ARFGEF3: variants seen among roughly 807,000 people sequenced by gnomAD.
ARFGEF3 encodes the protein ARFGEF family member 3.
In ARFGEF3, 96 loss-of-function variants were observed where a neutral mutation model predicts 221.7. The observed-to-expected ratio is 0.43, with a 90% CI of 0.37 to 0.51. The LOEUF is 0.51. ARFGEF3 is among the 20% of genes least tolerant of loss of function. The pLI is 0.00. For synonymous variants in ARFGEF3, 1,145 were observed against 1,126.8 expected (o/e 1.02, Z -0.32); for missense variants, 2,410 against 2,789.9 (o/e 0.86, Z 3.07).
chr6:138,284,201 AG>A (rs1779245219), intron 14 of ARFGEF3, among the ~76,000 whole-genome samples: 1 of 152,176 alleles, frequency 6.6e-6, no homozygotes, highest in Non-Finnish European at 1.5e-5. Flanking sequence ...GCTATCCAGG[AG>A]GCTGAGGTAT....
rs12203808 is a variant in ARFGEF3 at position 138,238,441 on chromosome 6, T to A, written c.421-68T>A. On this transcript the variant is annotated intron_variant, in intron 5 of 33. Coordinates refer to ENST00000251691, the MANE Select transcript of ARFGEF3 (RefSeq NM_020340.5). ...GGGATTTGATATCCTCTCTGGTCAA[T>A]CCCAAAGAATGTTGGTAATAAGCTG... 2.5e-3 allele frequency: 3,882 copies of A among 1,539,290 alleles called. 50 individuals carry two copies. In the East Asian group the frequency reaches 0.034, roughly 14 times the overall value.
chr6:138,316,218 T>C lies in ARFGEF3; in HGVS notation c.4346-1033T>C, dbSNP rs141600013. Among the ~76,000 whole-genome samples, 158 of 152,260 alleles carry C rather than the reference T, an allele frequency of 1.0e-3. 1 individual carries two copies. The highest frequency in any genetic ancestry group is 3.7e-3 in the African/African-American group (152 of 41,558). On this transcript the variant is annotated intron_variant, in intron 26 of 33. Coordinates refer to ENST00000251691, the MANE Select transcript of ARFGEF3 (RefSeq NM_020340.5). Reference sequence around the variant, plus strand: ...CTATCTAAGTTTTCTACATAATCAATGTAACTAGGACTTTAAAGTTATCAT... The same window carrying C: ...CTATCTAAGTTTTCTACATAATCAACGTAACTAGGACTTTAAAGTTATCAT...
intron 7 of ARFGEF3, 75 bp downstream of exon 7, chr6:138,243,069 G>A (rs1446909854): frequency 6.7e-6 from 8 of 1,185,902 alleles, no homozygotes; most frequent in Non-Finnish European, 9.9e-6. Context: ...TGGAGTGAGG[G>A]GTACAAAGAT....
At chr6:138,281,289 G>T (rs1268608595) in intron 14 of ARFGEF3, among the ~76,000 whole-genome samples, 1 of 152,176 alleles carries the variant, frequency 6.6e-6, no homozygotes, top group East Asian at 1.9e-4. Context: ...CTTTTGCAGA[G>T]TCTCATGTGA....
rs34628698 is a variant in ARFGEF3 at position 138,262,731 on chromosome 6, C to G, written c.1248C>G (p.Ile416Met). 1.2e-6 allele frequency: 2 copies of G among 1,609,068 alleles called. No individual in the cohort carries two copies. The highest frequency in any genetic ancestry group is 8.5e-7 in the Non-Finnish European group (1 of 1,175,856). Residue 416 changes from isoleucine (I) to methionine (M), a missense_variant, in exon 12 of 34, where the codon ATC becomes ATG. Around this residue, in one of 5 missense-constraint regions of ARFGEF3, gnomAD observed 570 missense variants for 586.9 expected, o/e 0.97. Transcript: ENST00000251691. ...LIMDGMTEACIKGGIEACYAA... is the reference protein window; with the variant it reads ...LIMDGMTEACMKGGIEACYAA... Reference sequence around the variant, plus strand: ...TGGATGGCATGACCGAAGCATGCATCAAGGGTGGCATCGAAGCTTGCTATG... The same window carrying G: ...TGGATGGCATGACCGAAGCATGCATGAAGGGTGGCATCGAAGCTTGCTATG...
At position 138,337,505 on chromosome 6, in the gene ARFGEF3, TG is replaced by T. The variant is rs1780350480; in HGVS notation, c.*1023del. 6.6e-6 allele frequency: 1 copy of T among 152,526 alleles called. No homozygotes were observed. Among genetic ancestry groups the T allele is most frequent in the African/African-American group, 2.4e-5 (1 of 41,420 alleles). 9.4% of individuals were successfully genotyped at this position (152,526 alleles called of 1,614,324 possible). A position where few individuals can be genotyped will look rare whatever the true frequency, so the allele number is the denominator to read the frequency against. On this transcript the variant is annotated 3_prime_UTR_variant, in exon 34 of 34. Coordinates refer to ENST00000251691, the MANE Select transcript of ARFGEF3 (RefSeq NM_020340.5). ...AGGGAAGGGAGCAGGGAGTGTGGGGTGGGGATGGATTATGATGAAATCATTT... is the reference window on the plus strand; with the variant it reads ...AGGGAAGGGAGCAGGGAGTGTGGGGTGGGATGGATTATGATGAAATCATTT...
intron 4 of ARFGEF3, among the ~76,000 whole-genome samples, chr6:138,213,305 A>AT (rs1279421901): frequency 1.3e-5 from 2 of 151,246 alleles, no homozygotes; most frequent in Non-Finnish European, 2.9e-5. Flanking sequence ...AAAAAAAAAA[A>AT]ATTTAGCAGG....
chr6:138,250,119 T>G (rs1471912771), intron 8 of ARFGEF3, among the ~76,000 whole-genome samples: 3 of 152,210 alleles, frequency 2.0e-5, no homozygotes, highest in African/African-American at 7.2e-5. Flanking sequence ...CCAGAATCAG[T>G]ATTTACTAAC....
rs771284534 is a variant in ARFGEF3 at position 138,162,062 on chromosome 6, G to T, written c.-25G>T. On this transcript the variant is annotated 5_prime_UTR_variant, in exon 1 of 34. Coordinates refer to ENST00000251691, the MANE Select transcript of ARFGEF3 (RefSeq NM_020340.5). The surrounding 1 kb of genome is among the most constrained non-coding windows in gnomAD (Gnocchi z 4.7). ...GCCCGCGCTTCTCTCCCTGTGGGCGGCGGCCCGGCGCCTGGAAGGTCAAGA... is the reference window on the plus strand; with the variant it reads ...GCCCGCGCTTCTCTCCCTGTGGGCGTCGGCCCGGCGCCTGGAAGGTCAAGA... The T allele has an allele frequency of 6.4e-6, 10 of 1,554,140 alleles. No homozygotes were observed. The highest frequency in any genetic ancestry group is 8.7e-6 in the Non-Finnish European group (10 of 1,147,626).
At chr6:138,209,857 TA>T (rs1777689846) in intron 3 of ARFGEF3, 52 bp from the exon 4 acceptor site, 2 of 1,595,426 alleles carry the variant, frequency 1.3e-6, no homozygotes, top group Non-Finnish European at 1.7e-6. Flanking sequence ...TACAACCAAA[TA>T]AGGCAGCAGG....
chr6:138,314,994 C>T (rs1278494844), intron 26 of ARFGEF3, among the ~76,000 whole-genome samples: 1 of 152,204 alleles, frequency 6.6e-6, no homozygotes, highest in Non-Finnish European at 1.5e-5. Flanking sequence ...TGCAAATTTG[C>T]AGATTCCACT....
intron 17 of ARFGEF3, among the ~76,000 whole-genome samples, chr6:138,287,590 T>C (rs970691883): frequency 1.3e-5 from 2 of 152,194 alleles, no homozygotes; most frequent in African/African-American, 2.4e-5. Context: ...AGAAAATTCA[T>C]GAGGGGAGGC....
At chr6:138,323,567 T>C in intron 29 of ARFGEF3, 104 bp from the exon 30 acceptor site, 2 of 967,410 alleles carry the variant, frequency 2.1e-6, no homozygotes, top group South Asian at 3.0e-5. Context: ...GCCAAGATCA[T>C]GCCAGTGCAC....
chr6:138,287,208 C>T (rs1331495439), intron 17 of ARFGEF3, 24 bp downstream of exon 17: 2 of 1,532,648 alleles, frequency 1.3e-6, no homozygotes, highest in East Asian at 2.4e-5. Flanking sequence ...GGCCAGAACC[C>T]ACCTGGTGCC....
At chr6:138,288,555 G>C (rs1274994533) in intron 17 of ARFGEF3, among the ~76,000 whole-genome samples, 1 of 152,072 alleles carries the variant, frequency 6.6e-6, no homozygotes, top group Non-Finnish European at 1.5e-5. Flanking sequence ...TGGGCGTGGT[G>C]GTGGGTGCCT....
At chr6:138,234,499 T>G (rs1319170426) in intron 5 of ARFGEF3, among the ~76,000 whole-genome samples, 2 of 151,596 alleles carry the variant, frequency 1.3e-5, no homozygotes, top group Admixed American at 6.6e-5. Flanking sequence ...TGTGTGTGTG[T>G]GGTGTGTGTT....
intron 2 of ARFGEF3, among the ~76,000 whole-genome samples, chr6:138,195,967 A>G (rs1380292168): frequency 6.6e-6 from 1 of 151,384 alleles, no homozygotes; most frequent in African/African-American, 2.4e-5. Context: ...TGGATTGACA[A>G]TGGACAGAAA....
rs1382721087 is a variant in ARFGEF3, at chr6:138,343,329, C to CTATT, written c.*6844_*6847dup. The CTATT allele has an allele frequency of 5.9e-5, 9 of 151,960 alleles. No individual in the cohort carries two copies. Among genetic ancestry groups the CTATT allele is most frequent in the Non-Finnish European group, 1.3e-4 (9 of 68,006 alleles). The allele number at this position is 151,960 out of a possible 1,614,324, so 9.4% of individuals were successfully genotyped here. A position where few individuals can be genotyped will look rare whatever the true frequency, so the allele number is the denominator to read the frequency against. ...CTGACTTCATTTAAATTAGTTTAGA[C>CTATT]TATTGTAGGAATGGAAGGAAATGAT... is the stretch of plus-strand genomic sequence containing the variant. On this transcript the variant is annotated 3_prime_UTR_variant, in exon 34 of 34. Coordinates refer to ENST00000251691, the MANE Select transcript of ARFGEF3 (RefSeq NM_020340.5).
intron 2 of ARFGEF3, among the ~76,000 whole-genome samples, chr6:138,199,052 C>T (rs1777485744): frequency 6.6e-6 from 1 of 152,122 alleles, no homozygotes; most frequent in African/African-American, 2.4e-5. Context: ...CCAGCCTGGG[C>T]AACATAGTGA....
Sources: allele counts gnomAD v4.1 joint callset (sites outside exome capture counted in the v4.1 genomes callset), GRCh38; gene constraint gnomAD v4.1.1; regional missense constraint gnomAD v4.1.1; non-coding constraint Gnocchi (gnomAD v3.1); transcripts MANE v1.5; gene names NCBI Gene and HGNC (gene_info 2026-07-23, HGNC 2026-07-21).